IMMT: variants seen among roughly 807,000 people sequenced by gnomAD.
IMMT encodes MICOS complex subunit MIC60.
Under a neutral mutation model 92.7 loss-of-function variants are expected in IMMT, and 40 were observed. The ratio of observed to expected loss-of-function variants is 0.43; its 90% CI spans 0.34 to 0.56. The LOEUF is 0.56. IMMT is among the 20% of genes least tolerant of loss of function. IMMT has a pLI of 0.03. For missense variants in IMMT, 831 were observed against 912.1 expected, an observed-to-expected ratio of 0.91 and a Z score of 1.14; for synonymous variants, 322 against 336.1, an observed-to-expected ratio of 0.96 and a Z score of 0.46.
chr2:86,187,558 C>A (rs1672856174), intron 1 of IMMT, among the ~76,000 whole-genome samples: 1 of 152,124 alleles, frequency 6.6e-6, no homozygotes, highest in Non-Finnish European at 1.5e-5. Flanking sequence ...TGTTTGAACA[C>A]CTGTTTTTTA....
At chr2:86,169,073 T>C (rs1386376445) in intron 6 of IMMT, among the ~76,000 whole-genome samples, 1 of 152,240 alleles carries the variant, frequency 6.6e-6, no homozygotes, top group Non-Finnish European at 1.5e-5. Context: ...CATATGTGTA[T>C]ATTTTTAAAG....
At chr2:86,189,661 C>T (rs777282726) in intron 1 of IMMT, among the ~76,000 whole-genome samples, 20 of 152,180 alleles carry the variant, frequency 1.3e-4, no homozygotes, top group Non-Finnish European at 2.5e-4. Flanking sequence ...TTGCTGTCAA[C>T]TGATAACGTT....
chr2:86,152,759 C>CA (rs398104518), intron 11 of IMMT, among the ~76,000 whole-genome samples: 68,549 of 148,174 alleles, frequency 0.46, 16,045 homozygotes, highest in Non-Finnish European at 0.51. Flanking sequence ...GACCTTGTCT[C>CA]AAAAAAAAAA....
chr2:86,184,101 T>C (rs1306899677), intron 1 of IMMT, among the ~76,000 whole-genome samples: 1 of 152,060 alleles, frequency 6.6e-6, no homozygotes, highest in East Asian at 2.0e-4. Context: ...CACTGTATTG[T>C]ATCATTTTTT....
At chr2:86,189,303 C>T (rs58002521) in intron 1 of IMMT, among the ~76,000 whole-genome samples, 4,356 of 150,776 alleles carry the variant, frequency 0.029, 105 homozygotes, top group East Asian at 0.1. Context: ...GGTGTGATCT[C>T]GGCTCACTGC....
intron 10 of IMMT, among the ~76,000 whole-genome samples, chr2:86,157,395 T>C (rs1296806445): frequency 6.6e-6 from 1 of 152,226 alleles, no homozygotes; most frequent in Non-Finnish European, 1.5e-5. Context: ...CCTTCATTCC[T>C]TAGACCAGCT....
intron 7 of IMMT, among the ~76,000 whole-genome samples, chr2:86,162,541 T>C (rs1676369917): frequency 6.7e-6 from 1 of 150,346 alleles, no homozygotes; most frequent in African/African-American, 2.5e-5. Flanking sequence ...ATGTGAAATG[T>C]GTATTAAAAA....
intron 4 of IMMT, 50 bp from the exon 5 acceptor site, chr2:86,171,395 G>A (rs1403264902): frequency 6.5e-7 from 1 of 1,545,362 alleles, no homozygotes; most frequent in Non-Finnish European, 8.8e-7. Flanking sequence ...GGTTAACAGA[G>A]AAACACACAG....
At position 86,159,590 on chromosome 2, in the gene IMMT, A is replaced by C; in HGVS notation, c.978T>G (p.Ala326=). 6.2e-7 allele frequency: 1 copy of C among 1,606,108 alleles called. No individual in the cohort carries two copies. The highest frequency in any genetic ancestry group is 8.5e-7 in the Non-Finnish European group (1 of 1,176,706). The change falls in exon 9 of 15, where the codon GCT becomes GCG. Residue 326 remains alanine (A), a synonymous_variant. Transcript: ENST00000410111. ...EVAGAKPHIT[A]AEGKLHNMIV... Reference sequence around the variant, plus strand: ...TCATGTTGTGAAGTTTACCCTCTGCAGCAGTTATATGAGGCTTGGCCCCAG... The same window carrying C: ...TCATGTTGTGAAGTTTACCCTCTGCCGCAGTTATATGAGGCTTGGCCCCAG...
chr2:86,180,204 G>C (rs1035500718), intron 2 of IMMT, among the ~76,000 whole-genome samples: 6 of 152,082 alleles, frequency 3.9e-5, no homozygotes, highest in Non-Finnish European at 4.4e-5. Flanking sequence ...ACCCAAACAA[G>C]AACTATCACT....
At chr2:86,181,242 A>G in intron 2 of IMMT, 57 bp downstream of exon 2, 1 of 1,307,380 alleles carries the variant, frequency 7.6e-7, no homozygotes. Context: ...AGGAAAACAC[A>G]CACTCCCTAA....
chr2:86,156,391 A>C (rs920139859), intron 10 of IMMT, among the ~76,000 whole-genome samples: 2 of 152,166 alleles, frequency 1.3e-5, no homozygotes, highest in African/African-American at 4.8e-5. Context: ...CAGGAGTTTG[A>C]GACCAGCCTG....
chr2:86,147,702 C>T lies in IMMT; in HGVS notation c.1533G>A (p.Gln511=), dbSNP rs755183126. 1.2e-6 allele frequency: 2 copies of T among 1,612,556 alleles called. No homozygotes were observed. Among genetic ancestry groups the T allele is most frequent in the Non-Finnish European group, 8.5e-7 (1 of 1,179,252 alleles). Residue 511 remains glutamine (Q), a splice_region_variant and synonymous_variant, in exon 13 of 15, where the codon CAG becomes CAA. Coordinates refer to ENST00000410111, the MANE Select transcript of IMMT (RefSeq NM_006839.3). ...GGCTGAAGGGAGTCCAGGTCCTCAC[C>T]TGCTCAAATTCAGACTTCAATTCCT... The part of the protein sequence containing the change: ...QEQELKSEFE[Q]NLSEKLSEQE...
intron 6 of IMMT, among the ~76,000 whole-genome samples, chr2:86,169,080 A>C (rs1199125389): frequency 6.6e-6 from 1 of 152,246 alleles, no homozygotes; most frequent in Non-Finnish European, 1.5e-5. Flanking sequence ...GTATATTTTT[A>C]AAGTCAAGTT....
chr2:86,190,613 A>AGAGG (rs1379348090), intron 1 of IMMT, among the ~76,000 whole-genome samples: 3 of 152,252 alleles, frequency 2.0e-5, no homozygotes, highest in African/African-American at 7.2e-5. Flanking sequence ...AAACAAAAAC[A>AGAGG]GAGGGACCAG....
chr2:86,154,545 C>A (rs1675714189), intron 10 of IMMT, among the ~76,000 whole-genome samples: 1 of 152,028 alleles, frequency 6.6e-6, no homozygotes, highest in South Asian at 2.1e-4. Flanking sequence ...CAGTATTTTA[C>A]TAAATCACAG....
intron 8 of IMMT, among the ~76,000 whole-genome samples, chr2:86,160,822 C>T (rs1394598363): frequency 2.0e-5 from 3 of 152,228 alleles, no homozygotes; most frequent in Non-Finnish European, 2.9e-5. Context: ...ATACTTTCTA[C>T]ATTCTGATAA....
intron 1 of IMMT, among the ~76,000 whole-genome samples, chr2:86,190,470 G>A (rs952294678): frequency 6.6e-6 from 1 of 152,208 alleles, no homozygotes; most frequent in South Asian, 2.1e-4. Context: ...TTTGTAGTTT[G>A]AGAGAAGGCT....
At chr2:86,168,956 T>TGGAGGCCACAGAAAGTGGGCTGCTG (rs1676909313) in intron 6 of IMMT, among the ~76,000 whole-genome samples, 2 of 152,214 alleles carry the variant, frequency 1.3e-5, no homozygotes, top group South Asian at 2.1e-4. Flanking sequence ...AACCACTTTA[T>TGGAGGCCACAGAAAGTGGGCTGCTG]GGAGGCCACA....
Sources: allele counts gnomAD v4.1 joint callset (sites outside exome capture counted in the v4.1 genomes callset), GRCh38; gene constraint gnomAD v4.1.1; transcripts MANE v1.5; gene names NCBI Gene and HGNC (gene_info 2026-07-23, HGNC 2026-07-21).